The following OASL variants were observed in gnomAD, a reference collection of about 807,000 sequenced individuals.
OASL encodes 2'-5'-oligoadenylate synthase-like protein.
A neutral mutation model predicts 35.3 loss-of-function variants in OASL; 28 were observed. The ratio of observed to expected loss-of-function variants is 0.79; its 90% CI spans 0.59 to 1.09. OASL has a LOEUF of 1.09. Ranked by LOEUF, OASL falls within the 50% of genes least tolerant of loss-of-function variation. The pLI, the probability that OASL is intolerant of heterozygous loss-of-function variation, is 0.00. For missense variants in OASL, 620 were observed against 635.2 expected, an observed-to-expected ratio of 0.98 and a Z score of 0.26; for synonymous variants, 252 against 254.6, an observed-to-expected ratio of 0.99 and a Z score of 0.10.
intron 5 of OASL, among the ~76,000 whole-genome samples, chr12:121,023,289 T>TTC (rs1368848138): frequency 7.6e-5 from 10 of 131,404 alleles, no homozygotes; most frequent in African/African-American, 1.6e-4. Flanking sequence ...TTTTTTTTCT[T>TTC]TTTTTCTTTT....
Position 121,033,754 on chromosome 12 carries a change from C to T in OASL, c.199-11G>A. On this transcript the variant is annotated splice_polypyrimidine_tract_variant and intron_variant, in intron 1 of 5. Coordinates refer to ENST00000257570, the Ensembl canonical transcript of OASL. ...CCCGAAGGAGCCCACCTGCAGAACA[C>T]AGAGCCCCGTCACCCTGAGGCCCAC... 6.2e-7 allele frequency: 1 copy of T among 1,609,104 alleles called. No homozygotes were observed. Among genetic ancestry groups the T allele is most frequent in the Non-Finnish European group, 8.5e-7 (1 of 1,177,984 alleles).
chr12:121,021,936 G>A (rs921708262), intron 5 of OASL, among the ~76,000 whole-genome samples: 1 of 152,158 alleles, frequency 6.6e-6, no homozygotes, highest in Non-Finnish European at 1.5e-5. Flanking sequence ...TTGAGACAGG[G>A]CCTTGCCCTG....
intron 1 of OASL, among the ~76,000 whole-genome samples, chr12:121,036,656 C>A (rs1869968674): frequency 6.6e-6 from 1 of 152,130 alleles, no homozygotes; most frequent in South Asian, 2.1e-4. Flanking sequence ...TGGTGGAACA[C>A]ACACACACAC....
At chr12:121,025,916 C>A (rs1869464372) in intron 4 of OASL, among the ~76,000 whole-genome samples, 2 of 152,148 alleles carry the variant, frequency 1.3e-5, no homozygotes, top group Non-Finnish European at 2.9e-5. Context: ...TCCTCCCAAC[C>A]CTGACTGCTC....
exon 6 of OASL, chr12:121,019,476 T>G (rs1376377911): frequency 6.6e-6 from 1 of 152,206 alleles, no homozygotes; most frequent in Admixed American, 6.5e-5. Flanking sequence ...TTTCCTACAG[T>G]TTCCTGACTA....
chr12:121,026,937 C>A (rs1869510570), intron 4 of OASL, among the ~76,000 whole-genome samples: 1 of 151,994 alleles, frequency 6.6e-6, no homozygotes. Flanking sequence ...TCCACCAACT[C>A]CCACCAGATC....
chr12:121,027,028 T>G (rs111680585), intron 4 of OASL, among the ~76,000 whole-genome samples: 8 of 151,982 alleles, frequency 5.3e-5, no homozygotes, highest in Admixed American at 5.2e-4. Flanking sequence ...CAACCTTCCC[T>G]AGAACGGTAA....
chr12:121,028,102 A>G (rs1002151324), intron 3 of OASL, among the ~76,000 whole-genome samples: 1 of 152,242 alleles, frequency 6.6e-6, no homozygotes, highest in African/African-American at 2.4e-5. Context: ...CAAACATTCT[A>G]GCCTAAGCAG....
In OASL at chr12:121,024,158, G is replaced by A. The variant is rs558822320; in HGVS notation, c.900-21C>T. On this transcript the variant is annotated intron_variant, in intron 4 of 5. Transcript: ENST00000257570. ...TGGGCCTGTAACACAGGAAAAGGGT[G>A]CCCAGGCTCATAATGGTTTGAAGGC... 9 of 1,610,564 alleles carry A rather than the reference G, an allele frequency of 5.6e-6. No individual in the cohort carries two copies. In the African/African-American group the frequency reaches 9.3e-5, roughly 17 times the overall value.
chr12:121,032,909 G>GT (rs896275550), intron 2 of OASL, among the ~76,000 whole-genome samples: 4 of 150,908 alleles, frequency 2.7e-5, no homozygotes, highest in East Asian at 1.9e-4. Context: ...TTGCAATCAT[G>GT]TTTTTTTGTT....
At chr12:121,034,970 G>A (rs2135915896) in intron 1 of OASL, among the ~76,000 whole-genome samples, 1 of 152,088 alleles carries the variant, frequency 6.6e-6, no homozygotes, top group South Asian at 2.1e-4. Flanking sequence ...CCAGGCCCTG[G>A]TGCCTCTGGT....
chr12:121,029,654 T>C (rs1305438522), intron 3 of OASL, among the ~76,000 whole-genome samples: 1 of 151,894 alleles, frequency 6.6e-6, no homozygotes, highest in Non-Finnish European at 1.5e-5. Flanking sequence ...CGCCACTGCA[T>C]TCCAGCCTGG....
downstream of OASL, chr12:121,019,063 C>T (rs1160005744): frequency 6.6e-6 from 1 of 152,216 alleles, no homozygotes; most frequent in African/African-American, 2.4e-5. Flanking sequence ...GTTCATGAGC[C>T]ATCCAGTGTA....
chr12:121,028,636 C>A (rs114030996), intron 3 of OASL, among the ~76,000 whole-genome samples: 97 of 145,620 alleles, frequency 6.7e-4, no homozygotes, highest in African/African-American at 2.3e-3. Flanking sequence ...GCCCGCCCCC[C>A]CTACTGTTTA....
At chr12:121,026,553 G>A (rs956683126) in intron 4 of OASL, among the ~76,000 whole-genome samples, 1 of 152,190 alleles carries the variant, frequency 6.6e-6, no homozygotes, top group Non-Finnish European at 1.5e-5. Flanking sequence ...CGATCTTTAG[G>A]AAAGAGTATG....
At chr12:121,038,737 T>G (rs1306139295) in intron 1 of OASL, 37 bp downstream of exon 1, 2 of 1,607,710 alleles carry the variant, frequency 1.2e-6, no homozygotes, top group African/African-American at 2.7e-5. Context: ...GATACTGGGT[T>G]TTGTCTTGCG....
chr12:121,033,579 G>A lies in OASL; in HGVS notation c.363C>T (p.Leu121=), dbSNP rs145474725. The A allele has an allele frequency of 4.1e-4, 669 of 1,614,060 alleles. 1 individual carries two copies. The highest frequency in any genetic ancestry group is 5.2e-4 in the Non-Finnish European group (612 of 1,180,048). Reference sequence around the variant, plus strand: ...GCTCCATCCTCAGGTCCTCGAGCCCGAGGTCCAGCAGGTCCTGGCTTTGCC... The same window carrying A: ...GCTCCATCCTCAGGTCCTCGAGCCCAAGGTCCAGCAGGTCCTGGCTTTGCC... The change falls in exon 2 of 6, where the codon CTC becomes CTT. Residue 121 remains leucine (L), a synonymous_variant. Transcript: ENST00000257570.
At chr12:121,026,674 A>C (rs1051151976) in intron 4 of OASL, among the ~76,000 whole-genome samples, 1 of 152,144 alleles carries the variant, frequency 6.6e-6, no homozygotes, top group African/African-American at 2.4e-5. Flanking sequence ...CAACATGGCA[A>C]AGCACTGTCT....
intron 4 of OASL, among the ~76,000 whole-genome samples, chr12:121,026,493 GACA>G (rs961165196): frequency 2.7e-4 from 41 of 152,320 alleles, no homozygotes; most frequent in African/African-American, 9.4e-4. Context: ...AGGGAAGGCA[GACA>G]ACAAAGAGTG....
Sources: allele counts gnomAD v4.1 joint callset (sites outside exome capture counted in the v4.1 genomes callset), GRCh38; gene constraint gnomAD v4.1.1; transcripts MANE v1.5; gene names NCBI Gene and HGNC (gene_info 2026-07-23, HGNC 2026-07-21).